Variants in LIMS1 observed in about 807,000 individuals in gnomAD.
LIMS1 encodes the protein LIM and senescent cell antigen-like-containing domain protein 1.
In LIMS1, 18 loss-of-function variants were observed where a neutral mutation model predicts 44.1. The observed-to-expected ratio is 0.41, with a 90% CI of 0.28 to 0.61. LIMS1 has a LOEUF of 0.61. LIMS1 is among the 20% of genes least tolerant of loss of function. LIMS1 has a pLI of 0.32. For synonymous variants in LIMS1, 93 were observed against 149.1 expected (o/e 0.62, Z 2.74); for missense variants, 201 against 422.0 (o/e 0.48, Z 4.59).
At chr2:108,556,882 C>T (rs1288089291) in intron 1 of LIMS1, among the ~76,000 whole-genome samples, 8 of 152,224 alleles carry the variant, frequency 5.3e-5, no homozygotes, top group Non-Finnish European at 8.8e-5. Flanking sequence ...CAATCGTTAC[C>T]TACTCCTCCC....
At chr2:108,584,756 C>T (rs141540538) in intron 1 of LIMS1, among the ~76,000 whole-genome samples, 341 of 152,152 alleles carry the variant, frequency 2.2e-3, no homozygotes, top group African/African-American at 7.6e-3. Context: ...GCGTGAGCAG[C>T]AGCATGGAGA....
At chr2:108,554,282 C>G (rs950046528) in intron 1 of LIMS1, among the ~76,000 whole-genome samples, 3 of 152,126 alleles carry the variant, frequency 2.0e-5, no homozygotes, top group Non-Finnish European at 2.9e-5. Flanking sequence ...TGTATATTCA[C>G]TTGATACCTA....
At chr2:108,681,916 T>G (rs1329513340) in intron 9 of LIMS1, among the ~76,000 whole-genome samples, 1 of 151,802 alleles carries the variant, frequency 6.6e-6, no homozygotes, top group Non-Finnish European at 1.5e-5. Flanking sequence ...TCTTTCAGCA[T>G]GTTTCGTATC....
chr2:108,672,480 G>A, intron 4 of LIMS1, 35 bp downstream of exon 4: 2 of 560,850 alleles, frequency 3.6e-6, no homozygotes, highest in Non-Finnish European at 5.7e-6. Context: ...GATGTGGGTG[G>A]ACAATGTGAC....
At chr2:108,614,829 A>G (rs1360528792) in intron 1 of LIMS1, among the ~76,000 whole-genome samples, 3 of 152,318 alleles carry the variant, frequency 2.0e-5, no homozygotes, top group East Asian at 1.9e-4. Flanking sequence ...AATATTGGCT[A>G]TAGTCATGAA....
intron 1 of LIMS1, among the ~76,000 whole-genome samples, chr2:108,583,404 G>A (rs1391576669): frequency 6.6e-6 from 1 of 151,992 alleles, no homozygotes; most frequent in Non-Finnish European, 1.5e-5. Context: ...GAGTGACATA[G>A]GGCATATACA....
chr2:108,649,550 TA>T (rs1371227155), intron 1 of LIMS1, among the ~76,000 whole-genome samples: 2 of 152,194 alleles, frequency 1.3e-5, no homozygotes, highest in African/African-American at 4.8e-5. Flanking sequence ...CTGTTCACAA[TA>T]GCAAAGACTT....
intron 1 of LIMS1, among the ~76,000 whole-genome samples, chr2:108,644,482 C>T (rs1436813236): frequency 6.6e-6 from 1 of 152,120 alleles, no homozygotes; most frequent in African/African-American, 2.4e-5. Context: ...CTCAGAGACC[C>T]CATCCGAAGG....
intron 1 of LIMS1, among the ~76,000 whole-genome samples, chr2:108,555,142 T>A (rs1044584555): frequency 5.9e-5 from 9 of 152,234 alleles, no homozygotes; most frequent in African/African-American, 1.7e-4. Context: ...GGTGACTGTT[T>A]ATGGTCTAGA....
At chr2:108,622,230 A>C (rs1688291206) in intron 1 of LIMS1, among the ~76,000 whole-genome samples, 1 of 152,180 alleles carries the variant, frequency 6.6e-6, no homozygotes, top group Non-Finnish European at 1.5e-5. Flanking sequence ...TTTACTGTTT[A>C]GTACTTTAAT....
At chr2:108,606,000 GCC>G (rs1050195931) in intron 1 of LIMS1, among the ~76,000 whole-genome samples, 3 of 152,230 alleles carry the variant, frequency 2.0e-5, no homozygotes, top group Non-Finnish European at 4.4e-5. Flanking sequence ...AGGCAGCGTG[GCC>G]CTCGGGCCCA....
At chr2:108,685,801 A>G (rs1041688052) in exon 10 of LIMS1, 4 of 152,188 alleles carry the variant, frequency 2.6e-5, no homozygotes, top group Non-Finnish European at 4.4e-5. Flanking sequence ...TTATGCTATG[A>G]ATATAGGCAA....
At position 108,673,314 on chromosome 2, in the gene LIMS1, T is replaced by A; in HGVS notation, c.530+285T>A. 6.0e-6 allele frequency: 3 copies of A among 500,546 alleles called. No homozygotes were observed. In the South Asian group the frequency reaches 7.1e-5, roughly 12 times the overall value. 31.0% of individuals were successfully genotyped at this position (500,546 alleles called of 1,614,324 possible). A position where few individuals can be genotyped will look rare whatever the true frequency, so the allele number is the denominator to read the frequency against. ...TGCCTGTATACGCATACCTCTAAAATTTCTCATGAGTCCCAGTATGCGTCT... is the reference window on the plus strand; with the variant it reads ...TGCCTGTATACGCATACCTCTAAAAATTCTCATGAGTCCCAGTATGCGTCT... On this transcript the variant is annotated intron_variant, in intron 5 of 9. Coordinates refer to ENST00000544547, the Ensembl canonical transcript of LIMS1.
At chr2:108,671,703 T>C (rs557064003) in intron 3 of LIMS1, among the ~76,000 whole-genome samples, 18 of 152,322 alleles carry the variant, frequency 1.2e-4, no homozygotes, top group African/African-American at 3.1e-4. Context: ...CAGTTGTCTA[T>C]GTTGACAATG....
At chr2:108,669,819 A>T (rs1371668484) in intron 2 of LIMS1, among the ~76,000 whole-genome samples, 1 of 152,112 alleles carries the variant, frequency 6.6e-6, no homozygotes, top group Non-Finnish European at 1.5e-5. Flanking sequence ...CATGAGATAC[A>T]TGAAATAATT....
intron 1 of LIMS1, among the ~76,000 whole-genome samples, chr2:108,536,950 G>A (rs1344790661): frequency 6.6e-6 from 1 of 152,112 alleles, no homozygotes; most frequent in Non-Finnish European, 1.5e-5. Context: ...GTGTGCAATT[G>A]GCAGGTTGTA....
At chr2:108,622,905 G>A (rs1303212616) in intron 1 of LIMS1, among the ~76,000 whole-genome samples, 2 of 150,528 alleles carry the variant, frequency 1.3e-5, no homozygotes, top group African/African-American at 2.4e-5. Flanking sequence ...AAGTACTCAT[G>A]AGTAAAATAA....
At chr2:108,644,227 G>A (rs1689911518) in intron 1 of LIMS1, among the ~76,000 whole-genome samples, 2 of 152,170 alleles carry the variant, frequency 1.3e-5, no homozygotes, top group African/African-American at 2.4e-5. Context: ...ACACCTCCTA[G>A]TAGGGGCCAA....
intron 1 of LIMS1, among the ~76,000 whole-genome samples, chr2:108,546,654 G>A (rs1346484385): frequency 2.0e-5 from 3 of 149,776 alleles, no homozygotes; most frequent in African/African-American, 4.9e-5. Context: ...TCATTCTCTA[G>A]CGAGCCTGTC....
Sources: allele counts gnomAD v4.1 joint callset (sites outside exome capture counted in the v4.1 genomes callset), GRCh38; gene constraint gnomAD v4.1.1; transcripts MANE v1.5; gene names NCBI Gene and HGNC (gene_info 2026-07-23, HGNC 2026-07-21).